Variants in HTR2C observed in about 807,000 individuals in gnomAD.
The protein encoded by HTR2C is 5-hydroxytryptamine (serotonin) receptor 2C, G protein-coupled.
Under a neutral mutation model 21.0 loss-of-function variants are expected in HTR2C, and 5 were observed. That is an observed-to-expected ratio of 0.24 (90% CI 0.12 to 0.50). The LOEUF is 0.50. Among genes scored for constraint, HTR2C ranks in the 20% least tolerant of loss-of-function variants. HTR2C has a pLI of 0.98. For missense variants in HTR2C, 271 were observed against 371.2 expected (o/e 0.73, Z 2.22); for synonymous variants, 150 against 145.3 (o/e 1.03, Z -0.23).
At chrX:114,856,082 C>T (rs1015853177) in intron 5 of HTR2C, among the ~76,000 whole-genome samples, 1 of 108,855 alleles carries the variant, frequency 9.2e-6, no homozygotes, top group Non-Finnish European at 1.9e-5. Context: ...CCCATCGTCT[C>T]AGCCCAAAAT....
chrX:114,744,335 T>G (rs182852225), intron 4 of HTR2C, among the ~76,000 whole-genome samples: 1 of 107,108 alleles, frequency 9.3e-6, no homozygotes, highest in Non-Finnish European at 1.9e-5. Flanking sequence ...AAACTAGAAA[T>G]GAAGAGCAAA....
At chrX:114,654,918 CA>C (rs1930727966) in intron 2 of HTR2C, among the ~76,000 whole-genome samples, 1 of 109,347 alleles carries the variant, frequency 9.1e-6, no homozygotes, top group African/African-American at 3.3e-5. Flanking sequence ...ATTATTTAAA[CA>C]TTTAGTATCT....
chrX:114,691,550 A>C (rs1487340545), intron 2 of HTR2C, among the ~76,000 whole-genome samples: 2 of 111,687 alleles, frequency 1.8e-5, no homozygotes, highest in Non-Finnish European at 3.8e-5. Flanking sequence ...TCTACCATAC[A>C]TGCTATCTTA....
chrX:114,674,652 A>C (rs933123849), intron 2 of HTR2C, among the ~76,000 whole-genome samples: 1 of 111,823 alleles, frequency 8.9e-6, no homozygotes, highest in Admixed American at 9.6e-5. Context: ...GATACTTTAT[A>C]TTGCATAGTG....
At chrX:114,723,243 G>T (rs191530726) in intron 2 of HTR2C, among the ~76,000 whole-genome samples, 7 of 111,047 alleles carry the variant, frequency 6.3e-5, no homozygotes, top group East Asian at 2.8e-4. Context: ...TTTAGTCTTG[G>T]GAGAGTGTAT....
rs782520834 is a variant in HTR2C at position 114,594,213 on chromosome X, T to C, written c.-147+9554T>C. On this transcript the variant is annotated intron_variant, in intron 1 of 5. Transcript: ENST00000276198. Reference sequence around the variant, plus strand: ...CACTCTCCTGCATTTTCAGAAACGATTAAGCCATATCTTATAGTTAATCTA... The same window carrying C: ...CACTCTCCTGCATTTTCAGAAACGACTAAGCCATATCTTATAGTTAATCTA... 4.5e-5 allele frequency among the ~76,000 whole-genome samples: 5 copies of C among 111,817 alleles called. No individual in the cohort carries two copies. In the South Asian group the frequency reaches 1.9e-3, roughly 41 times the overall value.
rs782639759 is a variant in HTR2C, at chrX:114,731,492, A to T, written c.234A>T (p.Val78=). The T allele has an allele frequency of 7.5e-6, 9 of 1,203,631 alleles. No individual in the cohort carries two copies. In the Admixed American group the frequency reaches 2.0e-4, roughly 26 times the overall value. The change falls in exon 4 of 6, where the codon GTA becomes GTT. Residue 78 remains valine (V), a synonymous_variant. Transcript: ENST00000276198. ...IGGNILVIMA[V]SMEKKLHNAT... Reference sequence around the variant, plus strand: ...GCAACATCCTTGTGATCATGGCAGTAAGCATGGAAAAGAAACTGCACAATG... The same window carrying T: ...GCAACATCCTTGTGATCATGGCAGTTAGCATGGAAAAGAAACTGCACAATG...
intron 2 of HTR2C, among the ~76,000 whole-genome samples, chrX:114,649,744 T>C (rs1375172331): frequency 2.7e-5 from 3 of 110,489 alleles, no homozygotes; most frequent in Admixed American, 9.7e-5. Context: ...GACTCCTGAG[T>C]AGCTGGGATT....
intron 2 of HTR2C, among the ~76,000 whole-genome samples, chrX:114,701,222 C>A (rs180978870): frequency 1.8e-5 from 2 of 111,954 alleles, no homozygotes; most frequent in Non-Finnish European, 3.8e-5. Flanking sequence ...TCTCCCAGCA[C>A]GCAGCTGGAG....
At chrX:114,726,260 T>G (rs1219557861) in intron 2 of HTR2C, among the ~76,000 whole-genome samples, 2 of 112,440 alleles carry the variant, frequency 1.8e-5, no homozygotes, top group Non-Finnish European at 3.8e-5. Flanking sequence ...AGTATTGGGG[T>G]GGGAGTGACC....
At chrX:114,844,233 T>C (rs1235569379) in intron 4 of HTR2C, among the ~76,000 whole-genome samples, 1 of 111,299 alleles carries the variant, frequency 9.0e-6, no homozygotes, top group Non-Finnish European at 1.9e-5. Context: ...AATAGCAACA[T>C]AAAAAAGGAT....
At chrX:114,870,579 T>G (rs920583748) in intron 5 of HTR2C, among the ~76,000 whole-genome samples, 1 of 111,419 alleles carries the variant, frequency 9.0e-6, no homozygotes, top group Non-Finnish European at 1.9e-5. Context: ...GACTTTTTTT[T>G]ATCATGGCTT....
intron 1 of HTR2C, among the ~76,000 whole-genome samples, chrX:114,586,318 G>A (rs1556389661): frequency 1.8e-5 from 2 of 111,829 alleles, no homozygotes; most frequent in African/African-American, 6.5e-5. Flanking sequence ...CACAGGTGGG[G>A]GGAAATAAAT....
chrX:114,635,127 A>C (rs782200260), intron 2 of HTR2C, among the ~76,000 whole-genome samples: 377 of 72,290 alleles, frequency 5.2e-3, no homozygotes, highest in African/African-American at 0.012. Context: ...CTGATGCACC[A>C]AGGTAAACCT....
intron 5 of HTR2C, among the ~76,000 whole-genome samples, chrX:114,901,373 C>T (rs1225709875): frequency 1.8e-5 from 2 of 111,784 alleles, no homozygotes; most frequent in East Asian, 2.8e-4. Context: ...GTATGTAATG[C>T]AGACAAAGTA....
chrX:114,862,732 C>T (rs1556473378), intron 5 of HTR2C, among the ~76,000 whole-genome samples: 1 of 110,672 alleles, frequency 9.0e-6, no homozygotes, highest in East Asian at 2.8e-4. Flanking sequence ...CTGGGATATC[C>T]ACCACCTCAC....
At position 114,906,583 on chromosome X, in the gene HTR2C, C is replaced by T. The variant is rs200171832; in HGVS notation, c.551-6C>T. ...ATAACAACCCCCTTCCTTTTTCTTCCTTTAGGTGTATCAGTTCCTATCCCT... is the reference window on the plus strand; with the variant it reads ...ATAACAACCCCCTTCCTTTTTCTTCTTTTAGGTGTATCAGTTCCTATCCCT... On this transcript the variant is annotated splice_region_variant and splice_polypyrimidine_tract_variant and intron_variant, in intron 5 of 5. Transcript: ENST00000276198. 2 of 1,170,331 alleles carry T rather than the reference C, an allele frequency of 1.7e-6. No individual in the cohort carries two copies. Among genetic ancestry groups the T allele is most frequent in the Non-Finnish European group, 2.3e-6 (2 of 867,707 alleles).
chrX:114,615,728 C>T (rs1928921878), intron 2 of HTR2C, among the ~76,000 whole-genome samples: 1 of 111,847 alleles, frequency 8.9e-6, no homozygotes, highest in South Asian at 3.7e-4. Context: ...GTTTTTCGAC[C>T]TCTATGTGCC....
chrX:114,633,670 T>C (rs1569479803), intron 2 of HTR2C, among the ~76,000 whole-genome samples: 1 of 111,271 alleles, frequency 9.0e-6, no homozygotes, highest in African/African-American at 3.3e-5. Context: ...TATATATTCT[T>C]TTGATATCAT....
Sources: gnomAD v4.1 joint callset for allele counts (sites outside exome capture counted in the v4.1 genomes callset) on GRCh38, gnomAD v4.1.1 for gene constraint, MANE v1.5 for transcripts, NCBI Gene and HGNC (gene_info 2026-07-23, HGNC 2026-07-21) for gene names.